The following IGFBPL1 variants were observed in gnomAD, a reference collection of about 807,000 sequenced individuals.
IGFBPL1 encodes the protein insulin like growth factor binding protein like 1.
Under a neutral mutation model 23.9 loss-of-function variants are expected in IGFBPL1, and 20 were observed. That is an observed-to-expected ratio of 0.84 (90% CI 0.59 to 1.22). The LOEUF is 1.22. IGFBPL1 is among the 50% of genes most tolerant of loss of function. IGFBPL1 has a pLI of 0.00. For synonymous variants in IGFBPL1, 184 were observed against 171.8 expected, an observed-to-expected ratio of 1.07 and a Z score of -0.56; for missense variants, 436 against 379.3, an observed-to-expected ratio of 1.15 and a Z score of -1.24.
chr9:38,423,969 C>T lies in IGFBPL1; in HGVS notation c.456G>A (p.Glu152=). 1 of 1,392,552 alleles carries T rather than the reference C, an allele frequency of 7.2e-7. No individual in the cohort carries two copies. Among genetic ancestry groups the T allele is most frequent in the Non-Finnish European group, 9.3e-7 (1 of 1,080,656 alleles). The allele number at this position is 1,392,552 out of a possible 1,614,324, so 86.3% of individuals were successfully genotyped here. The change falls in exon 1 of 5, where the codon GAG becomes GAA. Residue 152 remains glutamate (E), a synonymous_variant. Coordinates refer to ENST00000377694, the MANE Select transcript of IGFBPL1 (RefSeq NM_001007563.3). ...CAATCCCCGACCCTGACTCACCGAA[C>T]TCGCAAGGGCCGTCGCGCGCCTTGT... ...HLHKARDGPC[E]FAPVVVVPPR...
chr9:38,414,397 T>C (rs942506041), intron 1 of IGFBPL1, among the ~76,000 whole-genome samples, 194 bp from the exon 2 acceptor site: 2 of 152,160 alleles, frequency 1.3e-5, no homozygotes, highest in Non-Finnish European at 2.9e-5. Context: ...CCTGATCCAA[T>C]GATTGTTTTA....
At chr9:38,423,712 C>T (rs72707465) in intron 1 of IGFBPL1, among the ~76,000 whole-genome samples, 30,164 of 152,114 alleles carry the variant, frequency 0.2, 3,147 homozygotes, top group South Asian at 0.23. Flanking sequence ...TAAGTGACTG[C>T]ATCAGCAGGT....
Position 38,411,474 on chromosome 9 carries a change from G to A in IGFBPL1, c.763C>T (p.His255Tyr), listed in dbSNP as rs778947431. The A allele has an allele frequency of 6.2e-7, 1 of 1,613,970 alleles. No individual in the cohort carries two copies. The highest frequency in any genetic ancestry group is 2.2e-5 in the East Asian group (1 of 44,884). The change falls in exon 4 of 5, where the codon CAC becomes TAC. Residue 255 changes from histidine to tyrosine, a missense_variant. Transcript: ENST00000377694. ...AANMVGEAES[H>Y]STVTVLDLSK... The stretch of plus-strand genomic sequence containing the variant: ...AGATCTAGAACCGTCACTGTGCTGT[G>A]GGACTCAGCCTCTCCCACCATGTTG...
At chr9:38,419,266 A>G (rs1298841838) in intron 1 of IGFBPL1, among the ~76,000 whole-genome samples, 1 of 152,190 alleles carries the variant, frequency 6.6e-6, no homozygotes, top group African/African-American at 2.4e-5. Flanking sequence ...TTAATAATCA[A>G]CACACTGAAC....
rs1209343791 is a variant in IGFBPL1 at position 38,424,330 on chromosome 9, C to T, written c.95G>A (p.Gly32Asp). 1.8e-6 allele frequency: 2 copies of T among 1,091,352 alleles called. No individual in the cohort carries two copies. Among genetic ancestry groups the T allele is most frequent in the Non-Finnish European group, 2.5e-6 (2 of 790,310 alleles). The allele number at this position is 1,091,352 out of a possible 1,614,324, so 67.6% of individuals were successfully genotyped here. ...CGGACCACACTTGGGGCGCCGGCCGCCCACGTCGCGGATCCCAAGGCTCGG... is the reference window on the plus strand; with the variant it reads ...CGGACCACACTTGGGGCGCCGGCCGTCCACGTCGCGGATCCCAAGGCTCGG... ...LSPSLGIRDV[G>D]GRRPKCGPCR... Residue 32 changes from glycine to aspartate, a missense_variant, in exon 1 of 5, where the codon GGC (glycine) becomes GAC (aspartate). By Grantham distance (94) the Gly-to-Asp change is moderately conservative. Coordinates refer to ENST00000377694, the MANE Select transcript of IGFBPL1 (RefSeq NM_001007563.3).
intron 1 of IGFBPL1, among the ~76,000 whole-genome samples, chr9:38,421,057 C>G (rs943851263): frequency 1.3e-5 from 2 of 152,064 alleles, no homozygotes; most frequent in Non-Finnish European, 2.9e-5. Context: ...CTTTGGGAGG[C>G]TGAGGTGGGA....
At chr9:38,419,820 T>C (rs1283677445) in intron 1 of IGFBPL1, among the ~76,000 whole-genome samples, 1 of 152,088 alleles carries the variant, frequency 6.6e-6, no homozygotes, top group African/African-American at 2.4e-5. Flanking sequence ...ATTCTTACTG[T>C]TGGAAATTGC....
rs141190547 is a variant in IGFBPL1 at position 38,411,478 on chromosome 9, C to G, written c.759G>C (p.Glu253Asp). ...CHAANMVGEAESHSTVTVLDL... is the reference protein window; with the variant it reads ...CHAANMVGEADSHSTVTVLDL... ...CTAGAACCGTCACTGTGCTGTGGGA[C>G]TCAGCCTCTCCCACCATGTTGGCTG... is the stretch of plus-strand genomic sequence containing the variant. Residue 253 changes from glutamate to aspartate, a missense_variant, in exon 4 of 5, where the codon GAG (glutamate) becomes GAC (aspartate). Glu to Asp is a conservative substitution (Grantham distance 45). Coordinates refer to ENST00000377694, the MANE Select transcript of IGFBPL1 (RefSeq NM_001007563.3). 14 of 1,613,730 alleles carry G rather than the reference C, an allele frequency of 8.7e-6. No homozygotes were observed. The African/African-American group carries it at 1.9e-4, about 22-fold the overall frequency.
chr9:38,420,664 C>T (rs1821666625), intron 1 of IGFBPL1, among the ~76,000 whole-genome samples: 1 of 152,168 alleles, frequency 6.6e-6, no homozygotes, highest in South Asian at 2.1e-4. Context: ...AACCCCGTCT[C>T]TACTAAAAGT....
intron 1 of IGFBPL1, among the ~76,000 whole-genome samples, chr9:38,416,112 C>T (rs1419973735): frequency 2.0e-5 from 3 of 152,200 alleles, no homozygotes; most frequent in Non-Finnish European, 4.4e-5. Flanking sequence ...CCAGCGCCTC[C>T]CCAACCACAC....
intron 2 of IGFBPL1, 81 bp from the exon 3 acceptor site, chr9:38,413,434 C>T: frequency 3.7e-6 from 3 of 810,202 alleles, no homozygotes; most frequent in East Asian, 2.4e-5. Context: ...TCCTTGCCCT[C>T]CTCCTTCCTC....
chr9:38,423,300 C>G (rs1347542618), intron 1 of IGFBPL1, among the ~76,000 whole-genome samples: 1 of 152,138 alleles, frequency 6.6e-6, no homozygotes, highest in African/African-American at 2.4e-5. Flanking sequence ...AGTTCTATTC[C>G]TTTACTTAAG....
At chr9:38,418,648 T>C (rs1362395119) in intron 1 of IGFBPL1, among the ~76,000 whole-genome samples, 1 of 152,184 alleles carries the variant, frequency 6.6e-6, no homozygotes, top group African/African-American at 2.4e-5. Flanking sequence ...ACAAGAATGA[T>C]GTGGCTTGCA....
At chr9:38,414,313 G>C (rs1821562250) in intron 1 of IGFBPL1, 110 bp from the exon 2 acceptor site, 1 of 636,376 alleles carries the variant, frequency 1.6e-6, no homozygotes, top group African/African-American at 1.9e-5. Context: ...GACATGAGGG[G>C]AGCGGCACAT....
At position 38,424,347 on chromosome 9, in the gene IGFBPL1, A is replaced by C; in HGVS notation, c.78T>G (p.Leu26=). 1 of 885,594 alleles carries C rather than the reference A, an allele frequency of 1.1e-6. No individual in the cohort carries two copies. The highest frequency in any genetic ancestry group is 1.6e-5 in the South Asian group (1 of 61,702). The allele number at this position is 885,594 out of a possible 1,614,324, so 54.9% of individuals were successfully genotyped here. A position where few individuals can be genotyped will look rare whatever the true frequency, so the allele number is the denominator to read the frequency against. Residue 26 remains leucine (L), a synonymous_variant, in exon 1 of 5, where the codon CTT becomes CTG. Coordinates refer to ENST00000377694, the MANE Select transcript of IGFBPL1 (RefSeq NM_001007563.3). ...LPLLPPLSPS[L]GIRDVGGRRP... is the part of the protein sequence containing the mutation. Reference sequence around the variant, plus strand: ...GCCGGCCGCCCACGTCGCGGATCCCAAGGCTCGGGGACAGCGGCGGCAGCA... The same window carrying C: ...GCCGGCCGCCCACGTCGCGGATCCCCAGGCTCGGGGACAGCGGCGGCAGCA...
intron 4 of IGFBPL1, among the ~76,000 whole-genome samples, chr9:38,409,853 C>T (rs1304041249): frequency 6.6e-6 from 1 of 152,144 alleles, no homozygotes; most frequent in Admixed American, 6.5e-5. Context: ...ATCCTCATGC[C>T]ACCTCCTCGA....
intron 1 of IGFBPL1, among the ~76,000 whole-genome samples, chr9:38,420,126 A>G (rs962727715): frequency 1.3e-5 from 2 of 152,114 alleles, no homozygotes; most frequent in African/African-American, 4.8e-5. Flanking sequence ...CCTGGCCTCA[A>G]GCAATCCTTC....
chr9:38,424,136 C>A lies in IGFBPL1; in HGVS notation c.289G>T (p.Gly97Trp), dbSNP rs1160136533. 8 of 1,247,452 alleles carry A rather than the reference C, an allele frequency of 6.4e-6. No homozygotes were observed. Among genetic ancestry groups the A allele is most frequent in the Non-Finnish European group, 8.0e-6 (8 of 996,304 alleles). The allele number at this position is 1,247,452 out of a possible 1,614,324, so 77.3% of individuals were successfully genotyped here. A position where few individuals can be genotyped will look rare whatever the true frequency, so the allele number is the denominator to read the frequency against. The change falls in exon 1 of 5, where the codon GGG (glycine) becomes TGG (tryptophan). Residue 97 changes from glycine to tryptophan, a missense_variant. Coordinates refer to ENST00000377694, the MANE Select transcript of IGFBPL1 (RefSeq NM_001007563.3). ...PGLVCASQAA[G>W]AAPEGTGLCV... ...AGCCCGGTGCCCTCGGGCGCTGCCC[C>A]AGCGGCCTGGCTCGCGCATACCAGG...
intron 1 of IGFBPL1, among the ~76,000 whole-genome samples, chr9:38,415,855 C>T (rs895562102): frequency 1.3e-5 from 2 of 152,134 alleles, no homozygotes; most frequent in African/African-American, 4.8e-5. Context: ...ATACAGACTG[C>T]CCTCCCCATC....
Sources: allele counts gnomAD v4.1 joint callset (sites outside exome capture counted in the v4.1 genomes callset), GRCh38; gene constraint gnomAD v4.1.1; transcripts MANE v1.5; gene names NCBI Gene and HGNC (gene_info 2026-07-23, HGNC 2026-07-21).